PTPA: variants seen among roughly 807,000 people sequenced by gnomAD.
The protein encoded by PTPA is protein phosphatase 2 phosphatase activator.
Under a neutral mutation model 43.6 loss-of-function variants are expected in PTPA, and 13 were observed. The observed-to-expected ratio is 0.30, with a 90% CI of 0.19 to 0.47. The LOEUF is 0.47. PTPA is among the 20% of genes least tolerant of loss of function. The pLI is 0.99. For missense variants in PTPA, 329 were observed against 411.9 expected, an observed-to-expected ratio of 0.80 and a Z score of 1.74; for synonymous variants, 172 against 158.2, an observed-to-expected ratio of 1.09 and a Z score of -0.66.
intron 1 of PTPA, among the ~76,000 whole-genome samples, chr9:129,112,243 CTT>C (rs2131525053): frequency 6.6e-6 from 1 of 152,216 alleles, no homozygotes; most frequent in East Asian, 1.9e-4. Context: ...TTCGGTAACT[CTT>C]ATTTACCTTG....
At chr9:129,129,221 A>C in intron 4 of PTPA, 111 bp downstream of exon 4, 5 of 1,407,848 alleles carry the variant, frequency 3.6e-6, no homozygotes, top group Non-Finnish European at 4.8e-6. Context: ...TACAAATCTC[A>C]GTTTGTTAAA....
intron 9 of PTPA, chr9:129,142,802 G>A: frequency 6.5e-7 from 1 of 1,535,714 alleles, no homozygotes; most frequent in Non-Finnish European, 8.7e-7. Context: ...GAGCTTGGAG[G>A]CTGAGGCAAG....
Position 129,134,665 on chromosome 9 carries a change from G to T in PTPA, c.461-130G>T, listed in dbSNP as rs17486352. The T allele has an allele frequency of 3.5e-3, 2,321 of 663,006 alleles. 37 individuals carry two copies. The African/African-American group carries it at 0.037, about 10-fold the overall frequency. 41.1% of individuals were successfully genotyped at this position (663,006 alleles called of 1,614,324 possible). A position where few individuals can be genotyped will look rare whatever the true frequency, so the allele number is the denominator to read the frequency against. On this transcript the variant is annotated intron_variant, in intron 5 of 9. Coordinates refer to ENST00000393370, the MANE Select transcript of PTPA (RefSeq NM_178000.3). ...AGCAAGTCTTTCTGAATGGGGAAGA[G>T]GTCTCATTGTCTCCATGTTGACCAC...
Position 129,131,545 on chromosome 9 carries a change from A to G in PTPA, c.366A>G (p.Thr122=). 1 of 1,613,920 alleles carries G rather than the reference A, an allele frequency of 6.2e-7. No homozygotes were observed. The highest frequency in any genetic ancestry group is 8.5e-7 in the Non-Finnish European group (1 of 1,180,036). The change falls in exon 5 of 10, where the codon ACA becomes ACG. Residue 122 remains threonine (T), a synonymous_variant. Coordinates refer to ENST00000393370, the MANE Select transcript of PTPA (RefSeq NM_178000.3). ...LDEEAENLVA[T]VVPTHLAAAV... ...AGGAAGCAGAAAACTTGGTGGCCAC[A>G]GTGGTCCCTACCCATCTGGCAGCTG...
intron 5 of PTPA, among the ~76,000 whole-genome samples, chr9:129,133,206 C>T (rs1390140992): frequency 6.6e-6 from 1 of 152,244 alleles, no homozygotes; most frequent in Non-Finnish European, 1.5e-5. Flanking sequence ...GATGGGGCAC[C>T]GCTCAGCCCT....
chr9:129,143,426 T>G, intron 9 of PTPA: 1 of 702,956 alleles, frequency 1.4e-6, no homozygotes, highest in Non-Finnish European at 2.6e-6. Context: ...GTGGGCACCA[T>G]CTCTTGACTC....
chr9:129,137,570 T>C, intron 7 of PTPA, 22 bp from the exon 8 acceptor site: 1 of 1,587,466 alleles, frequency 6.3e-7, no homozygotes, highest in Non-Finnish European at 8.6e-7. Flanking sequence ...TTCTGAATGC[T>C]GGGGCCCATT....
chr9:129,136,653 C>A, intron 7 of PTPA, 58 bp downstream of exon 7: 1 of 1,515,806 alleles, frequency 6.6e-7, no homozygotes, highest in South Asian at 1.3e-5. Context: ...GTTCTGTGGC[C>A]CTCCCCTGCC....
At chr9:129,142,115 T>G (rs1850899521) in intron 8 of PTPA, 1 of 249,706 alleles carries the variant, frequency 4.0e-6, no homozygotes, top group African/African-American at 2.2e-5. Flanking sequence ...GCTGCTGGAT[T>G]TGGTGGGCGA....
At chr9:129,138,439 G>A (rs936114860) in intron 8 of PTPA, among the ~76,000 whole-genome samples, 1 of 152,218 alleles carries the variant, frequency 6.6e-6, no homozygotes, top group Non-Finnish European at 1.5e-5. Context: ...CGTGCCAGGC[G>A]ACTGCACAGG....
intron 6 of PTPA, among the ~76,000 whole-genome samples, chr9:129,135,951 G>C (rs1424779630): frequency 6.6e-6 from 1 of 152,042 alleles, no homozygotes. Context: ...TTCCTAATCA[G>C]TGATTTTTTA....
chr9:129,144,464 C>T (rs377477113), intron 9 of PTPA, among the ~76,000 whole-genome samples: 17 of 152,076 alleles, frequency 1.1e-4, no homozygotes, highest in South Asian at 4.1e-4. Context: ...TCAGGCCGGG[C>T]GTGGTGGCTC....
intron 8 of PTPA, chr9:129,138,051 G>A (rs1850499221): frequency 2.9e-6 from 1 of 347,708 alleles, no homozygotes; most frequent in Non-Finnish European, 5.6e-6. Context: ...GCCCCACAAG[G>A]GTCTGTAGAA....
chr9:129,143,328 C>T (rs1164025866), intron 9 of PTPA: 2 of 703,066 alleles, frequency 2.8e-6, no homozygotes, highest in Non-Finnish European at 5.2e-6. Context: ...TGTGAAGTTC[C>T]ACACCTGGAG....
intron 8 of PTPA, chr9:129,140,196 T>C (rs954578408): frequency 6.6e-6 from 1 of 152,586 alleles, no homozygotes; most frequent in Admixed American, 6.5e-5. Context: ...CTCACACGAT[T>C]CCCCTGGGGT....
intron 3 of PTPA, among the ~76,000 whole-genome samples, chr9:129,125,092 C>A (rs906139642): frequency 1.3e-5 from 2 of 152,046 alleles, no homozygotes; most frequent in Admixed American, 1.3e-4. Context: ...AGAGGGGGTT[C>A]CTCCTGGAGC....
intron 6 of PTPA, among the ~76,000 whole-genome samples, chr9:129,135,169 C>T (rs536321881): frequency 3.2e-4 from 48 of 152,258 alleles, no homozygotes; most frequent in African/African-American, 1.0e-3. Context: ...CCCAGGCAGG[C>T]GGATCACGAG....
At chr9:129,130,475 C>T (rs1009172653) in intron 4 of PTPA, among the ~76,000 whole-genome samples, 2 of 151,424 alleles carry the variant, frequency 1.3e-5, no homozygotes, top group South Asian at 4.2e-4. Flanking sequence ...CTCCCTGCAG[C>T]CTTGACCTCC....
At chr9:129,134,302 T>C (rs1206191916) in intron 5 of PTPA, among the ~76,000 whole-genome samples, 1 of 122,984 alleles carries the variant, frequency 8.1e-6, no homozygotes, top group Non-Finnish European at 1.7e-5. Flanking sequence ...AGTTCTTTTT[T>C]TTTTTTTTTT....
Sources: allele counts gnomAD v4.1 joint callset (sites outside exome capture counted in the v4.1 genomes callset), GRCh38; gene constraint gnomAD v4.1.1; transcripts MANE v1.5; gene names NCBI Gene and HGNC (gene_info 2026-07-23, HGNC 2026-07-21).